UTY: variants seen among roughly 807,000 people sequenced by gnomAD.
The protein encoded by UTY is ubiquitously transcribed tetratricopeptide repeat containing, Y-linked.
A neutral mutation model predicts 32.5 loss-of-function variants in UTY; 12 were observed. That is an observed-to-expected ratio of 0.37 (90% CI 0.24 to 0.60). The LOEUF (loss-of-function observed/expected upper bound fraction) is 0.60. Ranked by LOEUF, UTY falls within the 20% of genes least tolerant of loss-of-function variation. The pLI, the probability that UTY is intolerant of heterozygous loss-of-function variation, is 0.69. For synonymous variants in UTY, 131 were observed against 103.4 expected (o/e 1.27, Z -1.62); for missense variants, 303 against 299.2 (o/e 1.01, Z -0.09).
intron 8 of UTY, among the ~76,000 whole-genome samples, chrY:13,380,461 A>G: frequency 6.2e-5 from 2 of 32,113 alleles, no homozygotes; most frequent in Non-Finnish European, 1.5e-4. Context: ...TAAATTGAAA[A>G]ATGAAGAAAA....
intron 17 of UTY, among the ~76,000 whole-genome samples, chrY:13,341,014 G>A: frequency 3.0e-5 from 1 of 33,089 alleles, no homozygotes; most frequent in Non-Finnish European, 7.4e-5. Flanking sequence ...AAAGGCTGAA[G>A]GGGAAAAGGC....
At chrY:13,462,441 A>T in intron 3 of UTY, among the ~76,000 whole-genome samples, 1 of 32,971 alleles carries the variant, frequency 3.0e-5, no homozygotes, top group South Asian at 6.7e-4. Flanking sequence ...GTTACTCCAG[A>T]AGTACACACT....
At chrY:13,330,423 A>G (rs2060598102) in intron 18 of UTY, among the ~76,000 whole-genome samples, 1 of 33,520 alleles carries the variant, frequency 3.0e-5, no homozygotes, top group Non-Finnish European at 7.4e-5. Flanking sequence ...AGGAAGTGCA[A>G]AGAGCCCAGG....
Position 13,300,009 on chromosome Y carries a change from A to T in UTY, c.3681-865T>A. 4 of 222,747 alleles carry T rather than the reference A, an allele frequency of 1.8e-5. No homozygotes were observed. In the African/African-American group the frequency reaches 2.6e-4, roughly 14 times the overall value. The allele number at this position is 222,747 out of a possible 400,897, so 55.6% of individuals were successfully genotyped here. A position where few individuals can be genotyped will look rare whatever the true frequency, so the allele number is the denominator to read the frequency against. ...GATATAAGAACCAGGACCTTCTCTC[A>T]ATTCCTGAGTCAGGGGTGAGAAGGA... On this transcript the variant is annotated intron_variant, in intron 25 of 29. Coordinates refer to ENST00000545955, the MANE Select transcript of UTY (RefSeq NM_001258249.2).
At chrY:13,419,438 G>A in intron 4 of UTY, among the ~76,000 whole-genome samples, 1 of 33,680 alleles carries the variant, frequency 3.0e-5, no homozygotes, top group Non-Finnish European at 7.4e-5. Flanking sequence ...AGAGCCACAA[G>A]GCTTCTGCCA....
At chrY:13,397,021 A>G in intron 6 of UTY, 49 bp from the exon 7 acceptor site, 1 of 217,754 alleles carries the variant, frequency 4.6e-6, no homozygotes, top group South Asian at 5.5e-5. Context: ...AGAGTGCATA[A>G]AAGTACATTT....
At chrY:13,351,458 G>A in intron 17 of UTY, among the ~76,000 whole-genome samples, 1 of 32,514 alleles carries the variant, frequency 3.1e-5, no homozygotes, top group African/African-American at 1.2e-4. Flanking sequence ...CCTCATATTC[G>A]TAGGGGATAT....
intron 27 of UTY, among the ~76,000 whole-genome samples, chrY:13,276,969 CTGAG>C (rs2056735409): frequency 2.9e-5 from 1 of 33,994 alleles, no homozygotes; most frequent in East Asian, 7.6e-4. Context: ...ACACACAAAA[CTGAG>C]TGAGTTAGCA....
chrY:13,421,503 A>G (rs548215169), intron 4 of UTY, among the ~76,000 whole-genome samples: 9 of 33,736 alleles, frequency 2.7e-4, no homozygotes, highest in African/African-American at 6.9e-4. Flanking sequence ...CACTATGCAC[A>G]ATAGCAAACA....
In UTY at chrY:13,336,106, C is replaced by T. The variant is rs1472399494; in HGVS notation, c.2291G>A (p.Ser764Asn). ...GQQGIMFTKE[S>N]KPSKNRSLVP... ...CAAGGATCTATTTTTTGAAGGCTTG[C>T]TCTCTTTGGTAAACATAATGCCTTG... Residue 764 changes from serine to asparagine, a missense_variant, in exon 18 of 30, where the codon AGC becomes AAC. By Grantham distance (46) the Ser-to-Asn change is conservative. Coordinates refer to ENST00000545955, the MANE Select transcript of UTY (RefSeq NM_001258249.2). 2.5e-6 allele frequency: 1 copy of T among 396,687 alleles called. No homozygotes were observed. The highest frequency in any genetic ancestry group is 9.3e-5 in the East Asian group (1 of 10,765).
At chrY:13,454,059 C>CA (rs60315682) in intron 3 of UTY, among the ~76,000 whole-genome samples, 1,864 of 14,342 alleles carry the variant, frequency 0.13, no homozygotes, top group African/African-American at 0.54. Context: ...CTGTCTCTAC[C>CA]AAAAAAAAAA....
At chrY:13,355,862 A>G in intron 16 of UTY, 61 bp downstream of exon 16, 1 of 282,851 alleles carries the variant, frequency 3.5e-6, no homozygotes, top group South Asian at 3.8e-5. Flanking sequence ...ATGATACTGT[A>G]GTAAAGAAAT....
Position 13,359,427 on chromosome Y carries a change from A to G in UTY, c.1186-205T>C, listed in dbSNP as rs762010231. Among the ~76,000 whole-genome samples the G allele has an allele frequency of 2.4e-4, 8 of 33,882 alleles. No individual in the cohort carries two copies. The East Asian group carries it at 6.0e-3, about 26-fold the overall frequency. 90.9% of individuals were successfully genotyped at this position (33,882 alleles called of 37,273 possible). ...AAGCTCTATTTTTCAGTTCTCACAG[A>G]TATCTTCTCATGAAATTTTAAGCAA... On this transcript the variant is annotated intron_variant, in intron 12 of 29. Transcript: ENST00000545955.
chrY:13,378,538 G>A, intron 8 of UTY, among the ~76,000 whole-genome samples: 1 of 33,320 alleles, frequency 3.0e-5, no homozygotes, highest in Non-Finnish European at 7.4e-5. Context: ...ACTTTGAAAA[G>A]CCACGGCAGA....
intron 26 of UTY, 120 bp downstream of exon 26, chrY:13,298,837 A>AT (rs2058226537): frequency 2.8e-5 from 3 of 107,147 alleles, no homozygotes; most frequent in Non-Finnish European, 4.2e-5. Context: ...AAAAATTGGT[A>AT]TTTTTTTCCT....
intron 6 of UTY, among the ~76,000 whole-genome samples, chrY:13,405,987 T>G (rs947597120): frequency 3.6e-4 from 12 of 33,273 alleles, no homozygotes; most frequent in African/African-American, 1.4e-3. Context: ...AAACCTATTT[T>G]ATATTAGCTT....
intron 6 of UTY, among the ~76,000 whole-genome samples, chrY:13,404,384 T>C (rs552373465): frequency 2.2e-3 from 69 of 32,063 alleles, no homozygotes; most frequent in African/African-American, 7.7e-3. Flanking sequence ...GGAGATAATA[T>C]GAAATTGTAT....
intron 4 of UTY, among the ~76,000 whole-genome samples, chrY:13,416,119 T>C (rs561403652): frequency 1.2e-3 from 41 of 33,967 alleles, no homozygotes; most frequent in African/African-American, 4.7e-3. Context: ...ATTACAGGCA[T>C]AAGCCACCAT....
At chrY:13,244,289 A>T, downstream of UTY, among the ~76,000 whole-genome samples, 1 of 33,241 alleles carries the variant, frequency 3.0e-5, no homozygotes, top group Non-Finnish European at 7.4e-5. Context: ...GTTAATGGGT[A>T]CAAACATACA....
Sources: gnomAD v4.1 joint callset for allele counts (sites outside exome capture counted in the v4.1 genomes callset) on GRCh38, gnomAD v4.1.1 for gene constraint, MANE v1.5 for transcripts, NCBI Gene and HGNC (gene_info 2026-07-23, HGNC 2026-07-21) for gene names.